The following DLC1 variants were observed in gnomAD, a reference collection of about 807,000 sequenced individuals.
The protein encoded by DLC1 is DLC1 Rho GTPase activating protein.
Under a neutral mutation model 140.3 loss-of-function variants are expected in DLC1, and 54 were observed. The ratio of observed to expected loss-of-function variants is 0.38; its 90% CI spans 0.31 to 0.48. The LOEUF (loss-of-function observed/expected upper bound fraction) is 0.48. Among genes scored for constraint, DLC1 ranks in the 20% least tolerant of loss-of-function variants. The pLI, the probability that DLC1 is intolerant of heterozygous loss-of-function variation, is 0.96. For synonymous variants in DLC1, 986 were observed against 728.1 expected (o/e 1.35, Z -5.70); for missense variants, 2,536 against 1,907.0 (o/e 1.33, Z -6.14).
chr8:13,142,857 C>T (rs1378339083), intron 5 of DLC1, among the ~76,000 whole-genome samples: 4 of 152,138 alleles, frequency 2.6e-5, no homozygotes, highest in Non-Finnish European at 5.9e-5. Flanking sequence ...CGAGGCCAGC[C>T]TGACCAACAT....
intron 2 of DLC1, among the ~76,000 whole-genome samples, chr8:13,436,988 C>A (rs993919973): frequency 1.3e-5 from 2 of 152,102 alleles, no homozygotes; most frequent in Non-Finnish European, 2.9e-5. Context: ...TTATTTAACA[C>A]CTTTGGTTTT....
At chr8:13,523,257 G>A (rs947355468) in intron 1 of DLC1, among the ~76,000 whole-genome samples, 7 of 152,168 alleles carry the variant, frequency 4.6e-5, no homozygotes, top group Non-Finnish European at 8.8e-5. Flanking sequence ...ATTTGAAGCT[G>A]TTGTTGTGGT....
At chr8:13,544,450 C>A (rs1803589590) in intron 1 of DLC1, among the ~76,000 whole-genome samples, 1 of 152,102 alleles carries the variant, frequency 6.6e-6, no homozygotes, top group Non-Finnish European at 1.5e-5. Context: ...GAAGATTAAA[C>A]ACAGTACTTT....
chr8:13,413,814 G>A (rs771675331), intron 2 of DLC1, among the ~76,000 whole-genome samples: 12 of 152,142 alleles, frequency 7.9e-5, no homozygotes, highest in African/African-American at 1.4e-4. Flanking sequence ...CCAGCCATGC[G>A]GAACTCTGAG....
rs184359851 is a variant in DLC1, at chr8:13,458,095, G to A, written c.1023+40954C>T. ...TGCTAGAATCTAAAGCAATCAGTAC[G>A]GAATCCATTTTATAAAAGAAAGTAG... On this transcript the variant is annotated intron_variant, in intron 2 of 17. Coordinates refer to ENST00000276297, the MANE Select transcript of DLC1 (RefSeq NM_182643.3). Among the ~76,000 whole-genome samples, 677 of 152,156 alleles carry A rather than the reference G, an allele frequency of 4.4e-3. 1 individual carries two copies. Among genetic ancestry groups the A allele is most frequent in the African/African-American group, 0.015 (639 of 41,542 alleles).
intron 2 of DLC1, among the ~76,000 whole-genome samples, chr8:13,424,723 C>T (rs566042294): frequency 7.9e-5 from 12 of 152,054 alleles, no homozygotes; most frequent in South Asian, 2.1e-4. Flanking sequence ...CAGGCACCCA[C>T]CACCTCGCTT....
chr8:13,168,220 C>G (rs1398837709), intron 5 of DLC1, among the ~76,000 whole-genome samples: 3 of 152,128 alleles, frequency 2.0e-5, no homozygotes, highest in African/African-American at 7.2e-5. Context: ...CACAAATAGC[C>G]TTTAGATTAG....
At chr8:13,139,929 A>G (rs995338140) in intron 5 of DLC1, among the ~76,000 whole-genome samples, 4 of 152,212 alleles carry the variant, frequency 2.6e-5, no homozygotes, top group African/African-American at 7.2e-5. Flanking sequence ...CATTTTAACC[A>G]TTTTTAAATG....
intron 5 of DLC1, among the ~76,000 whole-genome samples, chr8:13,284,580 T>A (rs1831476677): frequency 6.8e-6 from 1 of 147,004 alleles, no homozygotes; most frequent in Non-Finnish European, 1.5e-5. Context: ...AGCCCTGAAA[T>A]TAAAAACCAA....
At chr8:13,345,876 CAAG>C (rs1834313152) in intron 4 of DLC1, among the ~76,000 whole-genome samples, 1 of 152,096 alleles carries the variant, frequency 6.6e-6, no homozygotes, top group African/African-American at 2.4e-5. Context: ...CTTTTGAATG[CAAG>C]AACAATTAAG....
chr8:13,199,489 C>G (rs1368630685), intron 5 of DLC1, among the ~76,000 whole-genome samples: 4 of 152,114 alleles, frequency 2.6e-5, no homozygotes, highest in Admixed American at 6.5e-5. Flanking sequence ...CGTTCTCATT[C>G]TTCAGAACCC....
chr8:13,324,694 AC>A (rs1833267849), intron 4 of DLC1, among the ~76,000 whole-genome samples: 1 of 152,114 alleles, frequency 6.6e-6, no homozygotes. Flanking sequence ...TAAACCATGT[AC>A]TTTTACTTAT....
intron 5 of DLC1, chr8:13,276,226 C>T (rs979638064): frequency 1.3e-6 from 2 of 1,533,798 alleles, no homozygotes; most frequent in Non-Finnish European, 8.7e-7. Flanking sequence ...TTTAATACCC[C>T]TCACCCCCGG....
rs141883462 is a variant in DLC1 at position 13,452,574 on chromosome 8, G to A, written c.1023+46475C>T. 6.6e-5 allele frequency among the ~76,000 whole-genome samples: 10 copies of A among 152,290 alleles called. No homozygotes were observed. In the East Asian group the frequency reaches 1.9e-3, roughly 29 times the overall value. On this transcript the variant is annotated intron_variant, in intron 2 of 17. Transcript: ENST00000276297. ...ATCAGAAGAAAATAGAGTGGCTAATGGAAAGTATTGCTTTGTTTTCTGACT... is the reference window on the plus strand; with the variant it reads ...ATCAGAAGAAAATAGAGTGGCTAATAGAAAGTATTGCTTTGTTTTCTGACT...
Position 13,481,819 on chromosome 8 carries a change from G to A in DLC1, c.1023+17230C>T, listed in dbSNP as rs138479652. ...GTTGTGATGAGGTCATATTAGAGAT[G>A]GACAGGCCAGTATTCCAACTCAACT... is the stretch of plus-strand genomic sequence containing the variant. On this transcript the variant is annotated intron_variant, in intron 2 of 17. Coordinates refer to ENST00000276297, the MANE Select transcript of DLC1 (RefSeq NM_182643.3). Among the ~76,000 whole-genome samples, 686 of 152,222 alleles carry A rather than the reference G, an allele frequency of 4.5e-3. 6 individuals carry two copies. The highest frequency in any genetic ancestry group is 0.016 in the African/African-American group (660 of 41,534).
At position 13,264,273 on chromosome 8, in the gene DLC1, A is replaced by G. The variant is rs981731995; in HGVS notation, c.1348+40996T>C. Among the ~76,000 whole-genome samples, 9 of 151,824 alleles carry G rather than the reference A, an allele frequency of 5.9e-5. 1 individual carries two copies. Among genetic ancestry groups the G allele is most frequent in the Admixed American group, 4.6e-4 (7 of 15,226 alleles). ...TTTTTAGTAGAGACAGGGTTTCACC[A>G]TGTTGCCCAGGCTGGTGTCGAACTC... On this transcript the variant is annotated intron_variant, in intron 5 of 17. Coordinates refer to ENST00000276297, the MANE Select transcript of DLC1 (RefSeq NM_182643.3).
chr8:13,305,515 CAAAT>C (rs1207360206), intron 4 of DLC1, among the ~76,000 whole-genome samples: 2 of 152,156 alleles, frequency 1.3e-5, no homozygotes, highest in Admixed American at 6.6e-5. Context: ...AAGACAGACT[CAAAT>C]GAATGCACAT....
At chr8:13,524,787 C>G (rs1352667091) in intron 1 of DLC1, among the ~76,000 whole-genome samples, 1 of 151,832 alleles carries the variant, frequency 6.6e-6, no homozygotes, top group African/African-American at 2.4e-5. Flanking sequence ...TTCTTCCAGA[C>G]TTCAGTTGCT....
At chr8:13,591,651 A>C (rs1563462489) in intron 1 of DLC1, among the ~76,000 whole-genome samples, 1 of 152,020 alleles carries the variant, frequency 6.6e-6, no homozygotes, top group African/African-American at 2.4e-5. Flanking sequence ...TCTTTAATCT[A>C]GGCAAACAAT....
Sources: gnomAD v4.1 joint callset for allele counts (sites outside exome capture counted in the v4.1 genomes callset) on GRCh38, gnomAD v4.1.1 for gene constraint, MANE v1.5 for transcripts, NCBI Gene and HGNC (gene_info 2026-07-23, HGNC 2026-07-21) for gene names.